NUP42: variants seen among roughly 807,000 people sequenced by gnomAD.
The protein encoded by NUP42 is nucleoporin 42.
NUP42 carries 47 observed loss-of-function variants against 35.9 expected under a neutral mutation model. The observed-to-expected ratio is 1.31, with a 90% confidence interval of 1.04 to 1.67. The LOEUF (loss-of-function observed/expected upper bound fraction) is 1.67. Ranked by LOEUF, NUP42 falls within the 40% of genes most tolerant of loss-of-function variation. The probability of loss-of-function intolerance (pLI) is 0.00; values close to 1 mark genes in which losing one functional copy is unlikely to be tolerated. For synonymous variants in NUP42, 173 were observed against 173.3 expected (o/e 1.00, Z 0.01); for missense variants, 514 against 492.2 (o/e 1.04, Z -0.42).
chr7:23,184,974 C>G, intron 1 of NUP42, 96 bp from the exon 2 acceptor site: 1 of 1,022,448 alleles, frequency 9.8e-7, no homozygotes, highest in Non-Finnish European at 1.4e-6. Context: ...CCACTGTACT[C>G]CACCCTGGGC....
In NUP42 at chr7:23,185,235, G is replaced by A. The variant is rs1785551379; in HGVS notation, c.287G>A (p.Gly96Glu). ...TCAACTAACAGGAAGGAAGGCTTTG[G>A]ATTGTCTGAGAACCCATTTGCTTCA... ...GASTNRKEGF[G>E]LSENPFASLS... Residue 96 changes from glycine to glutamate, a missense_variant, in exon 2 of 7, where the codon GGA (glycine) becomes GAA (glutamate). Physicochemically the swap from Gly to Glu is moderately conservative, Grantham distance 98 (BLOSUM62 -2). Coordinates refer to ENST00000258742, the MANE Select transcript of NUP42 (RefSeq NM_007342.3). 1 of 1,614,096 alleles carries A rather than the reference G, an allele frequency of 6.2e-7. No homozygotes were observed. The highest frequency in any genetic ancestry group is 1.7e-5 in the Admixed American group (1 of 60,000).
chr7:23,182,397 TTTA>T, intron 1 of NUP42, 191 bp downstream of exon 1: 1 of 1,394,946 alleles, frequency 7.2e-7, no homozygotes, highest in Non-Finnish European at 9.3e-7. Context: ...GTGGTCCGTT[TTTA>T]TTGAGCTTCT....
intron 2 of NUP42, among the ~76,000 whole-genome samples, chr7:23,186,707 T>C (rs1209053870): frequency 1.3e-5 from 2 of 152,324 alleles, no homozygotes; most frequent in East Asian, 3.9e-4. Flanking sequence ...GTATCTATGA[T>C]AGTATTTATG....
chr7:23,188,521 G>T, intron 3 of NUP42: 1 of 985,360 alleles, frequency 1.0e-6, no homozygotes, highest in Admixed American at 6.1e-5. Flanking sequence ...CTAAAGCAGT[G>T]GTTCTTAAAA....
At position 23,182,218 on chromosome 7, in the gene NUP42, C is replaced by G. The variant is rs1412054945; in HGVS notation, c.121+12C>G. On this transcript the variant is annotated intron_variant, in intron 1 of 6. Coordinates refer to ENST00000258742, the MANE Select transcript of NUP42 (RefSeq NM_007342.3). ...GCAGCAGCCTTCAGGTGACTCTCCT[C>G]TGAATCCTCCGCGGTAACCGAGCCG... 1.3e-6 allele frequency: 2 copies of G among 1,598,514 alleles called. No individual in the cohort carries two copies. Among genetic ancestry groups the G allele is most frequent in the Admixed American group, 1.7e-5 (1 of 57,590 alleles).
At chr7:23,195,794 T>C (rs1785991439) in intron 3 of NUP42, 45 bp from the exon 4 acceptor site, 1 of 1,252,860 alleles carries the variant, frequency 8.0e-7, no homozygotes, top group Non-Finnish European at 1.2e-6. Flanking sequence ...ACTATCAAAA[T>C]TATTGGCATT....
At chr7:23,187,984 C>T (rs898566757) in intron 3 of NUP42, 1 of 836,324 alleles carries the variant, frequency 1.2e-6, no homozygotes, top group Non-Finnish European at 1.8e-6. Context: ...TTAGAATATT[C>T]TCTCTCTCTT....
chr7:23,182,242 C>T, intron 1 of NUP42, 36 bp downstream of exon 1: 1 of 1,569,158 alleles, frequency 6.4e-7, no homozygotes, highest in Non-Finnish European at 8.6e-7. Flanking sequence ...GTAACCGAGC[C>T]GGGAAGGGTC....
intron 3 of NUP42, chr7:23,188,339 A>G: frequency 3.5e-6 from 4 of 1,138,210 alleles, no homozygotes; most frequent in Non-Finnish European, 4.3e-6. Flanking sequence ...TCCCTTCCTT[A>G]TGAATCTTAC....
rs1054380120 is a variant in NUP42, at chr7:23,197,288, C to G, written c.609+522C>G. ...ATGTTTCTACACCCATTAAAAAGTT[C>G]TTAAGAATTTTATTTTAAAATAAGA... On this transcript the variant is annotated intron_variant, in intron 5 of 6. Coordinates refer to ENST00000258742, the MANE Select transcript of NUP42 (RefSeq NM_007342.3). 16 of 944,642 alleles carry G rather than the reference C, an allele frequency of 1.7e-5. No individual in the cohort carries two copies. The East Asian group carries it at 9.8e-4, about 58-fold the overall frequency. The allele number at this position is 944,642 out of a possible 1,614,324, so 58.5% of individuals were successfully genotyped here. A position where few individuals can be genotyped will look rare whatever the true frequency, so the allele number is the denominator to read the frequency against.
chr7:23,190,946 C>A (rs1292823052), intron 3 of NUP42, among the ~76,000 whole-genome samples: 1 of 152,066 alleles, frequency 6.6e-6, no homozygotes, highest in Non-Finnish European at 1.5e-5. Flanking sequence ...ATTAGGGGAA[C>A]AATATTTCTT....
intron 3 of NUP42, chr7:23,188,111 CT>C: frequency 7.2e-7 from 1 of 1,386,802 alleles, no homozygotes; most frequent in Non-Finnish European, 9.4e-7. Context: ...GGCCTCCGTC[CT>C]TTTGAGGAAA....
At chr7:23,199,348 A>G in intron 5 of NUP42, 110 bp from the exon 6 acceptor site, 1 of 861,214 alleles carries the variant, frequency 1.2e-6, no homozygotes, top group Non-Finnish European at 1.9e-6. Context: ...CACCACACCC[A>G]GCCTTTAATG....
At chr7:23,190,683 G>A (rs151064199) in intron 3 of NUP42, among the ~76,000 whole-genome samples, 1 of 152,086 alleles carries the variant, frequency 6.6e-6, no homozygotes, top group Admixed American at 6.5e-5. Context: ...GTCAATTTTG[G>A]CTTTTGTTGC....
intron 3 of NUP42, chr7:23,194,350 TTTTTG>T (rs1785931857): frequency 1.3e-5 from 2 of 156,374 alleles, no homozygotes; most frequent in Non-Finnish European, 2.8e-5. Flanking sequence ...TTTTCTTTGT[TTTTTG>T]TTTTGTTTTG....
chr7:23,199,546 A>G lies in NUP42; in HGVS notation c.694+4A>G. 1 of 1,611,262 alleles carries G rather than the reference A, an allele frequency of 6.2e-7. No individual in the cohort carries two copies. Among genetic ancestry groups the G allele is most frequent in the Non-Finnish European group, 8.5e-7 (1 of 1,177,514 alleles). On this transcript the variant is annotated splice_donor_region_variant and intron_variant, in intron 6 of 6. Coordinates refer to ENST00000258742, the MANE Select transcript of NUP42 (RefSeq NM_007342.3). ...GCAGCAACATTTATGTCGCCAGGTA[A>G]GTGATAAAGTAATGCAGGACTTCAC...
At position 23,192,713 on chromosome 7, in the gene NUP42, G is replaced by A. The variant is rs180686000; in HGVS notation, c.446-3126G>A. ...TTGCTGTCTCAGGAGTGGCAGAGGC[G>A]GAAGAAAATCCCTGTACAAGTGGCC... On this transcript the variant is annotated intron_variant, in intron 3 of 6. Transcript: ENST00000258742. Among the ~76,000 whole-genome samples the A allele has an allele frequency of 2.7e-3, 412 of 152,168 alleles. 4 individuals carry two copies. Among genetic ancestry groups the A allele is most frequent in the Non-Finnish European group, 3.7e-3 (250 of 68,000 alleles).
chr7:23,193,243 C>G (rs1328121257), intron 3 of NUP42, among the ~76,000 whole-genome samples: 1 of 152,190 alleles, frequency 6.6e-6, no homozygotes, highest in East Asian at 1.9e-4. Flanking sequence ...GAAGCTTCCA[C>G]AGTGTGGAAG....
At position 23,185,236 on chromosome 7, in the gene NUP42, A is replaced by G; in HGVS notation, c.288A>G (p.Gly96=). The G allele has an allele frequency of 6.2e-7, 1 of 1,614,096 alleles. No homozygotes were observed. Among genetic ancestry groups the G allele is most frequent in the Non-Finnish European group, 8.5e-7 (1 of 1,180,006 alleles). The part of the protein sequence containing the change: ...GASTNRKEGF[G]LSENPFASLS... The stretch of plus-strand genomic sequence containing the variant: ...CAACTAACAGGAAGGAAGGCTTTGG[A>G]TTGTCTGAGAACCCATTTGCTTCAC... Residue 96 remains glycine, a synonymous_variant, in exon 2 of 7, where the codon GGA becomes GGG. Coordinates refer to ENST00000258742, the MANE Select transcript of NUP42 (RefSeq NM_007342.3).
Sources: gnomAD v4.1 joint callset for allele counts (sites outside exome capture counted in the v4.1 genomes callset) on GRCh38, gnomAD v4.1.1 for gene constraint, MANE v1.5 for transcripts, NCBI Gene and HGNC (gene_info 2026-07-23, HGNC 2026-07-21) for gene names.